TLE1: variants seen among roughly 807,000 people sequenced by gnomAD.
The protein encoded by TLE1 is transducin-like enhancer protein 1.
TLE1 carries 21 observed loss-of-function variants against 89.8 expected under a neutral mutation model. That is an observed-to-expected ratio of 0.23 (90% CI 0.17 to 0.34). The LOEUF (loss-of-function observed/expected upper bound fraction) is 0.34. Ranked by LOEUF, TLE1 falls within the 10% of genes least tolerant of loss-of-function variation. The pLI is 1.00. For missense variants in TLE1, 795 were observed against 1,031.2 expected (o/e 0.77, Z 3.14); for synonymous variants, 447 against 407.6 (o/e 1.10, Z -1.16).
intron 4 of TLE1, among the ~76,000 whole-genome samples, chr9:81,672,463 A>T (rs1475584125): frequency 2.8e-5 from 4 of 144,258 alleles, no homozygotes; most frequent in Non-Finnish European, 6.0e-5. Context: ...CCTCCCAACA[A>T]TTTTTTTTTT....
At chr9:81,660,930 A>C (rs1830687345) in intron 4 of TLE1, among the ~76,000 whole-genome samples, 1 of 98,548 alleles carries the variant, frequency 1.0e-5, no homozygotes. Flanking sequence ...CCCCATCCCT[A>C]CTAAACACAC....
chr9:81,628,850 G>A (rs1365087890), intron 8 of TLE1, among the ~76,000 whole-genome samples: 1 of 152,112 alleles, frequency 6.6e-6, no homozygotes, highest in Non-Finnish European at 1.5e-5. Flanking sequence ...GTGGTGCTTA[G>A]ACTGTTCTGA....
chr9:81,590,751 T>C (rs1268646041), intron 16 of TLE1, 54 bp downstream of exon 16: 46 of 1,584,740 alleles, frequency 2.9e-5, no homozygotes, highest in Admixed American at 6.8e-5. Context: ...GCAGAGGTGA[T>C]AGGCCCAGCT....
chr9:81,654,702 C>G (rs1056967257), intron 4 of TLE1, among the ~76,000 whole-genome samples: 1 of 152,160 alleles, frequency 6.6e-6, no homozygotes, highest in Non-Finnish European at 1.5e-5. Context: ...CAAGTTCATT[C>G]AAGCGGGTGT....
chr9:81,589,302 C>G (rs547699879), intron 16 of TLE1, among the ~76,000 whole-genome samples: 23 of 152,328 alleles, frequency 1.5e-4, no homozygotes, highest in South Asian at 1.4e-3. Context: ...GCTGCTCCCC[C>G]ATCCCTCTGC....
At chr9:81,668,442 A>T (rs540960403) in intron 4 of TLE1, among the ~76,000 whole-genome samples, 1 of 152,330 alleles carries the variant, frequency 6.6e-6, no homozygotes, top group Non-Finnish European at 1.5e-5. Context: ...TGGTGTATGG[A>T]TTCACAGAAT....
chr9:81,617,455 T>C (rs545470095), intron 9 of TLE1, among the ~76,000 whole-genome samples: 1 of 152,322 alleles, frequency 6.6e-6, no homozygotes, highest in South Asian at 2.1e-4. Flanking sequence ...CCCAGCACTT[T>C]GGGAGGCCGA....
In TLE1 at chr9:81,608,146, T is replaced by C. The variant is rs952637059; in HGVS notation, c.1331+2074A>G. On this transcript the variant is annotated intron_variant, in intron 14 of 19. Coordinates refer to ENST00000376499, the MANE Select transcript of TLE1 (RefSeq NM_005077.5). ...TCACCATGCTGGGCGTGGTGGCTCA[T>C]GCCTGTAATCCAAGCACTTTGGGAG... Among the ~76,000 whole-genome samples the C allele has an allele frequency of 3.9e-5, 6 of 152,142 alleles. No individual in the cohort carries two copies. The East Asian group carries it at 1.2e-3, about 30-fold the overall frequency.
intron 4 of TLE1, among the ~76,000 whole-genome samples, chr9:81,681,244 T>C (rs1833586391): frequency 6.6e-6 from 1 of 152,300 alleles, no homozygotes; most frequent in South Asian, 2.1e-4. Flanking sequence ...AGTCTTTTCA[T>C]TTATTTTTAA....
At position 81,634,329 on chromosome 9, in the gene TLE1, AAGGAGGAGG is replaced by A. The variant is rs540669376; in HGVS notation, c.373-37_373-29del. ...GTTGGTGGTGGTGGTGAGAGAGAAA[AAGGAGGAGG>A]AGGAGGAGGTAGTGGTGACAGTGAT... is the stretch of plus-strand genomic sequence containing the variant. On this transcript the variant is annotated intron_variant, in intron 6 of 19. Coordinates refer to ENST00000376499, the MANE Select transcript of TLE1 (RefSeq NM_005077.5). 216 of 1,457,610 alleles carry A rather than the reference AAGGAGGAGG, an allele frequency of 1.5e-4. 1 individual carries two copies. The African/African-American group carries it at 2.7e-3, about 19-fold the overall frequency. The allele number at this position is 1,457,610 out of a possible 1,614,324, so 90.3% of individuals were successfully genotyped here. A position where few individuals can be genotyped will look rare whatever the true frequency, so the allele number is the denominator to read the frequency against.
At chr9:81,650,104 T>C (rs994919279) in intron 6 of TLE1, among the ~76,000 whole-genome samples, 2 of 152,230 alleles carry the variant, frequency 1.3e-5, no homozygotes, top group Non-Finnish European at 2.9e-5. Flanking sequence ...CATCCAGAGC[T>C]AACCTGCCTT....
At chr9:81,675,169 T>C (rs541326318) in intron 4 of TLE1, among the ~76,000 whole-genome samples, 3 of 152,300 alleles carry the variant, frequency 2.0e-5, no homozygotes, top group South Asian at 4.1e-4. Flanking sequence ...CTATGGAAGA[T>C]ATATGACAGA....
At chr9:81,588,887 T>C (rs1829027743) in intron 16 of TLE1, among the ~76,000 whole-genome samples, 1 of 152,196 alleles carries the variant, frequency 6.6e-6, no homozygotes. Flanking sequence ...ATCATTCCTG[T>C]AGAGCTCCAA....
At chr9:81,647,033 GTTT>G (rs933011046) in intron 6 of TLE1, among the ~76,000 whole-genome samples, 1 of 149,400 alleles carries the variant, frequency 6.7e-6, no homozygotes, top group Admixed American at 6.7e-5. Context: ...GAATTTCATG[GTTT>G]TTTTTTTCTC....
Position 81,689,524 on chromosome 9 carries a change from C to T in TLE1, c.-1284G>A, listed in dbSNP as rs1458420604. ...CGCCGCTCCCACCGCCGCCGCCGCC[C>T]GCGCCTCTCGCGCCGCTTACATTAA... On this transcript the variant is annotated 5_prime_UTR_variant, in exon 1 of 20. Coordinates refer to ENST00000376499, the MANE Select transcript of TLE1 (RefSeq NM_005077.5). Among the ~76,000 whole-genome samples the T allele has an allele frequency of 1.3e-5, 2 of 152,110 alleles. No individual in the cohort carries two copies.
rs1834198679 is a variant in TLE1, at chr9:81,685,817, A to C, written c.189+16T>G. 2 of 1,613,966 alleles carry C rather than the reference A, an allele frequency of 1.2e-6. No homozygotes were observed. The highest frequency in any genetic ancestry group is 1.7e-6 in the Non-Finnish European group (2 of 1,179,900). On this transcript the variant is annotated intron_variant, in intron 3 of 19. Coordinates refer to ENST00000376499, the MANE Select transcript of TLE1 (RefSeq NM_005077.5). The stretch of plus-strand genomic sequence containing the variant: ...TATCATATGAAAAAGGAAAAAGTCC[A>C]ATCTTTGATACCTACCATCACATAG...
rs1337565611 is a variant in TLE1 at position 81,688,408 on chromosome 9, G to A, written c.-168C>T. On this transcript the variant is annotated 5_prime_UTR_variant, in exon 1 of 20. Transcript: ENST00000376499. ...GCGCACCGGCCACTCGGCGCCCGCA[G>A]CTGCTCCGGCTCCCGCTCCCGTCGG... 8.9e-6 allele frequency: 6 copies of A among 670,576 alleles called. No individual in the cohort carries two copies. The highest frequency in any genetic ancestry group is 1.4e-5 in the Non-Finnish European group (6 of 436,030). The allele number at this position is 670,576 out of a possible 1,614,324, so 41.5% of individuals were successfully genotyped here.
At chr9:81,593,792 A>T (rs970405272) in intron 14 of TLE1, among the ~76,000 whole-genome samples, 1 of 152,204 alleles carries the variant, frequency 6.6e-6, no homozygotes, top group East Asian at 1.9e-4. Flanking sequence ...ATGGACTTCA[A>T]CTTTCTCTTG....
chr9:81,627,121 G>C (rs1296072863), intron 8 of TLE1, among the ~76,000 whole-genome samples: 6 of 151,890 alleles, frequency 4.0e-5, no homozygotes, highest in Non-Finnish European at 5.9e-5. Context: ...TCTGTGTATC[G>C]GACAGCACTT....
Sources: gnomAD v4.1 joint callset for allele counts (sites outside exome capture counted in the v4.1 genomes callset) on GRCh38, gnomAD v4.1.1 for gene constraint, MANE v1.5 for transcripts, NCBI Gene and HGNC (gene_info 2026-07-23, HGNC 2026-07-21) for gene names.